The following DCDC2 variants were observed in gnomAD, a reference collection of about 807,000 sequenced individuals.
DCDC2 encodes doublecortin domain containing 2.
Under a neutral mutation model 50.2 loss-of-function variants are expected in DCDC2, and 40 were observed. The ratio of observed to expected loss-of-function variants is 0.80; its 90% confidence interval spans 0.62 to 1.04. The LOEUF (loss-of-function observed/expected upper bound fraction) is 1.04, where lower values mean the gene tolerates loss of function less well. Among genes scored for constraint, DCDC2 ranks in the 50% least tolerant of loss-of-function variants. DCDC2 has a pLI of 0.00. For missense variants in DCDC2, 570 were observed against 581.9 expected, an observed-to-expected ratio of 0.98 and a Z score of 0.21; for synonymous variants, 234 against 210.6, an observed-to-expected ratio of 1.11 and a Z score of -0.96.
chr6:24,197,074 T>C (rs916352904), intron 8 of DCDC2, among the ~76,000 whole-genome samples: 2 of 152,196 alleles, frequency 1.3e-5, no homozygotes, highest in African/African-American at 4.8e-5. Context: ...AGAAAGTACC[T>C]TTGGTTACCT....
Position 24,288,858 on chromosome 6 carries a change from T to C in DCDC2, c.753A>G (p.Lys251=), listed in dbSNP as rs1180277325. The change falls in exon 6 of 10, where the codon AAA becomes AAG. Residue 251 remains lysine, a synonymous_variant. Coordinates refer to ENST00000378454, the MANE Select transcript of DCDC2 (RefSeq NM_016356.5). ...GAAAGCATCTGATACTTACACTCCC[T>C]TTAGACTTTCTGGATCCTACAATAG... ...LPPIVGSRKS[K]GSGNDRHSKS... The C allele has an allele frequency of 3.1e-6, 5 of 1,611,734 alleles. No individual in the cohort carries two copies. Among genetic ancestry groups the C allele is most frequent in the African/African-American group, 1.3e-5 (1 of 74,942 alleles).
At chr6:24,372,779 G>A in the DCDC2 span, among the ~76,000 whole-genome samples, 3 of 152,076 alleles carry the variant, frequency 2.0e-5, no homozygotes, top group African/African-American at 4.8e-5. Flanking sequence ...GGTGGGGAGA[G>A]GGGGGAGGGA....
At chr6:24,359,479 T>A (rs1760615778), upstream of DCDC2, among the ~76,000 whole-genome samples, 1 of 5,740 alleles carries the variant, frequency 1.7e-4, no homozygotes, top group South Asian at 0.025. Context: ...TAATATATAT[T>A]TTATATATAA....
intron 2 of DCDC2, among the ~76,000 whole-genome samples, chr6:24,345,858 A>G (rs1561782751): frequency 1.3e-5 from 2 of 152,202 alleles, no homozygotes; most frequent in Admixed American, 1.3e-4. Context: ...TTTTTTAAAT[A>G]TAAATGTGGA....
At chr6:24,300,926 C>T (rs1299519203) in intron 4 of DCDC2, among the ~76,000 whole-genome samples, 1 of 152,104 alleles carries the variant, frequency 6.6e-6, no homozygotes, top group Non-Finnish European at 1.5e-5. Flanking sequence ...TGACTTCTTA[C>T]ATTTAGACAA....
At chr6:24,286,501 G>A (rs371786657) in intron 6 of DCDC2, among the ~76,000 whole-genome samples, 2 of 151,704 alleles carry the variant, frequency 1.3e-5, no homozygotes, top group Non-Finnish European at 2.9e-5. Flanking sequence ...ACTGAGGTGA[G>A]AGGATCGCTT....
chr6:24,178,696 T>A (rs1261771992), intron 8 of DCDC2, 64 bp from the exon 9 acceptor site: 4 of 1,435,458 alleles, frequency 2.8e-6, no homozygotes, highest in Non-Finnish European at 2.8e-6. Context: ...CCACTGCACA[T>A]CATAGTAATG....
intron 4 of DCDC2, among the ~76,000 whole-genome samples, chr6:24,297,318 G>C (rs565445170): frequency 6.6e-6 from 1 of 152,128 alleles, no homozygotes; most frequent in South Asian, 2.1e-4. Flanking sequence ...TGAGGGTAGA[G>C]GGTGGGAGGA....
intron 8 of DCDC2, among the ~76,000 whole-genome samples, chr6:24,188,486 T>G (rs1306390540): frequency 6.6e-6 from 1 of 152,136 alleles, no homozygotes; most frequent in Admixed American, 6.5e-5. Context: ...TGTTTAAGAG[T>G]CAATGTCATA....
chr6:24,242,556 A>G (rs971179968), intron 7 of DCDC2, among the ~76,000 whole-genome samples: 8 of 152,286 alleles, frequency 5.3e-5, no homozygotes, highest in Non-Finnish European at 1.0e-4. Context: ...GAGAGTATTT[A>G]CCACAGCACA....
intron 2 of DCDC2, among the ~76,000 whole-genome samples, chr6:24,320,133 T>C (rs1169830800): frequency 6.6e-6 from 1 of 152,196 alleles, no homozygotes; most frequent in Admixed American, 6.6e-5. Context: ...GGTTAGCAAT[T>C]CTAAATCTAT....
At chr6:24,226,992 C>A (rs936946604) in intron 7 of DCDC2, among the ~76,000 whole-genome samples, 6 of 151,936 alleles carry the variant, frequency 3.9e-5, no homozygotes, top group African/African-American at 1.5e-4. Context: ...GTAGAGATAC[C>A]GAAGAGAAAC....
chr6:24,335,152 A>C (rs910176720), intron 2 of DCDC2, among the ~76,000 whole-genome samples: 3 of 152,180 alleles, frequency 2.0e-5, no homozygotes, highest in African/African-American at 7.2e-5. Flanking sequence ...ACAGCCCCCA[A>C]AATTGAAGGG....
At chr6:24,293,856 T>C (rs1470917535) in intron 4 of DCDC2, among the ~76,000 whole-genome samples, 1 of 152,116 alleles carries the variant, frequency 6.6e-6, no homozygotes. Context: ...ACAATAAAAA[T>C]AGAAACCAAG....
At chr6:24,234,464 C>T (rs1311148858) in intron 7 of DCDC2, among the ~76,000 whole-genome samples, 2 of 151,930 alleles carry the variant, frequency 1.3e-5, no homozygotes, top group Non-Finnish European at 2.9e-5. Flanking sequence ...ACGTTGGGAA[C>T]GAGTGCAGAA....
At chr6:24,291,254 A>G (rs1763737896) in intron 4 of DCDC2, among the ~76,000 whole-genome samples, 176 bp from the exon 5 acceptor site, 1 of 152,204 alleles carries the variant, frequency 6.6e-6, no homozygotes, top group East Asian at 1.9e-4. Context: ...AGATGCCTCA[A>G]AGTTATCAGA....
intron 7 of DCDC2, among the ~76,000 whole-genome samples, chr6:24,240,023 C>A (rs1762532346): frequency 6.6e-6 from 1 of 152,098 alleles, no homozygotes; most frequent in Admixed American, 6.6e-5. Flanking sequence ...TTATATGTTT[C>A]CATTTGCTCA....
At chr6:24,302,102 C>A in intron 2 of DCDC2, 58 bp from the exon 3 acceptor site, 1 of 1,454,578 alleles carries the variant, frequency 6.9e-7, no homozygotes, top group Non-Finnish European at 9.4e-7. Context: ...CTTTTTTTTT[C>A]CTATGAGGAA....
chr6:24,231,445 A>G (rs1762334579), intron 7 of DCDC2, among the ~76,000 whole-genome samples: 2 of 152,190 alleles, frequency 1.3e-5, no homozygotes, highest in South Asian at 4.1e-4. Context: ...TGGAAAAATT[A>G]CTGCACTTTC....
Sources: gnomAD v4.1 joint callset for allele counts (sites outside exome capture counted in the v4.1 genomes callset) on GRCh38, gnomAD v4.1.1 for gene constraint, MANE v1.5 for transcripts, NCBI Gene and HGNC (gene_info 2026-07-23, HGNC 2026-07-21) for gene names.